KLRG1: variants seen among roughly 807,000 people sequenced by gnomAD.
KLRG1 encodes killer cell lectin-like receptor subfamily G member 1.
In KLRG1, 16 loss-of-function variants were observed where a neutral mutation model predicts 21.8. The ratio of observed to expected loss-of-function variants is 0.73; its 90% CI spans 0.50 to 1.11. KLRG1 has a LOEUF of 1.11. Among genes scored for constraint, KLRG1 ranks in the 50% most tolerant of loss-of-function variants. The pLI is 0.00. For synonymous variants in KLRG1, 69 were observed against 75.9 expected, an observed-to-expected ratio of 0.91 and a Z score of 0.47; for missense variants, 173 against 218.3, an observed-to-expected ratio of 0.79 and a Z score of 1.31.
At chr12:9,118,034 G>T in the KLRG1 span, among the ~76,000 whole-genome samples, 1 of 152,028 alleles carries the variant, frequency 6.6e-6, no homozygotes, top group Non-Finnish European at 1.5e-5. Flanking sequence ...CATCTAAGTG[G>T]GTTGTAACAT....
At chr12:9,077,575 T>C in the KLRG1 span, 2 of 1,499,724 alleles carry the variant, frequency 1.3e-6, no homozygotes, top group Non-Finnish European at 1.8e-6. Flanking sequence ...CCCCTCTTTT[T>C]TGGTGCCATC....
the KLRG1 span, among the ~76,000 whole-genome samples, chr12:9,044,571 G>A: frequency 2.0e-5 from 3 of 152,074 alleles, no homozygotes; most frequent in African/African-American, 7.2e-5. Flanking sequence ...GGAGGCTGAG[G>A]CAGGAGAACT....
chr12:9,096,914 G>A, the KLRG1 span, among the ~76,000 whole-genome samples: 2 of 152,064 alleles, frequency 1.3e-5, no homozygotes, highest in African/African-American at 2.4e-5. Context: ...AGAACACAGT[G>A]GGCATTAAAT....
chr12:9,179,558 G>C, the KLRG1 span, among the ~76,000 whole-genome samples: 1 of 152,270 alleles, frequency 6.6e-6, no homozygotes, highest in East Asian at 1.9e-4. Flanking sequence ...AAAATAATTT[G>C]TAAATCACTT....
At chr12:9,143,695 C>T in the KLRG1 span, among the ~76,000 whole-genome samples, 2 of 152,094 alleles carry the variant, frequency 1.3e-5, no homozygotes, top group Non-Finnish European at 2.9e-5. Context: ...GTGCCATTTT[C>T]GGGCCATTAG....
the KLRG1 span, chr12:9,068,295 G>A: frequency 6.6e-7 from 1 of 1,505,362 alleles, no homozygotes; most frequent in Non-Finnish European, 9.0e-7. Context: ...AACATCTGTG[G>A]GATACAGGCC....
chr12:9,156,097 A>T, the KLRG1 span: 1 of 235,258 alleles, frequency 4.3e-6, no homozygotes, highest in East Asian at 1.1e-4. Flanking sequence ...AGCTCCTGTT[A>T]TAAAAGGTTT....
At chr12:9,011,208 C>T (rs1367475040), downstream of KLRG1, among the ~76,000 whole-genome samples, 1 of 152,150 alleles carries the variant, frequency 6.6e-6, no homozygotes, top group African/African-American at 2.4e-5. Context: ...AAGGATTCAT[C>T]CACCTATTGT....
chr12:9,081,565 C>T, the KLRG1 span, among the ~76,000 whole-genome samples: 2 of 152,308 alleles, frequency 1.3e-5, no homozygotes, highest in African/African-American at 4.8e-5. Context: ...AAGTCTAGGA[C>T]ACCTACATTG....
the KLRG1 span, chr12:9,068,045 T>TG: frequency 2.8e-6 from 3 of 1,090,128 alleles, no homozygotes; most frequent in Non-Finnish European, 4.0e-6. Context: ...CCAATAAATG[T>TG]GTTTTTCTAT....
At chr12:8,959,949 C>CAATGGG (rs1443842126) in intron 1 of KLRG1, among the ~76,000 whole-genome samples, 2 of 152,154 alleles carry the variant, frequency 1.3e-5, no homozygotes, top group African/African-American at 2.4e-5. Flanking sequence ...TATATTTAGA[C>CAATGGG]AATGAATTTG....
chr12:9,142,091 A>G, the KLRG1 span, among the ~76,000 whole-genome samples: 1 of 152,202 alleles, frequency 6.6e-6, no homozygotes, highest in African/African-American at 2.4e-5. Flanking sequence ...TTAAACAACT[A>G]GTTAATTTAC....
chr12:8,971,210 C>T (rs915574206), intron 1 of KLRG1: 1 of 151,384 alleles, frequency 6.6e-6, no homozygotes, highest in Non-Finnish European at 1.5e-5. Context: ...CACCTGAGCA[C>T]GAAGTTTTCT....
chr12:9,080,816 G>A, the KLRG1 span, among the ~76,000 whole-genome samples: 84,093 of 151,784 alleles, frequency 0.55, 24,929 homozygotes, highest in African/African-American at 0.76. Flanking sequence ...AGAGAAGTAT[G>A]GTATTTATTT....
the KLRG1 span, among the ~76,000 whole-genome samples, chr12:9,137,223 A>C: frequency 1.3e-5 from 2 of 152,132 alleles, no homozygotes; most frequent in African/African-American, 4.8e-5. Flanking sequence ...TAAGATAAAC[A>C]TCAAATTTTA....
At chr12:9,125,817 C>T in the KLRG1 span, among the ~76,000 whole-genome samples, 34 of 152,340 alleles carry the variant, frequency 2.2e-4, no homozygotes, top group Admixed American at 1.9e-3. Flanking sequence ...TCACTGCAAC[C>T]TCCACCTCCC....
chr12:9,138,004 T>C, the KLRG1 span, among the ~76,000 whole-genome samples: 3 of 152,074 alleles, frequency 2.0e-5, no homozygotes, highest in African/African-American at 7.2e-5. Flanking sequence ...TTTGGTAGGC[T>C]TTAATTTATT....
the KLRG1 span, among the ~76,000 whole-genome samples, chr12:9,094,267 C>T: frequency 6.7e-6 from 1 of 149,644 alleles, no homozygotes; most frequent in Non-Finnish European, 1.5e-5. Context: ...TAGTTTCCTT[C>T]ACTCTATTCA....
chr12:9,124,464 A>T, the KLRG1 span, among the ~76,000 whole-genome samples: 9 of 152,248 alleles, frequency 5.9e-5, no homozygotes, highest in Admixed American at 2.0e-4. Flanking sequence ...GGCAAGATCT[A>T]CACTCCCCGT....
Sources: allele counts gnomAD v4.1 joint callset (sites outside exome capture counted in the v4.1 genomes callset), GRCh38; gene constraint gnomAD v4.1.1; transcripts MANE v1.5; gene names NCBI Gene and HGNC (gene_info 2026-07-23, HGNC 2026-07-21).